The following SLC44A5 variants were observed in gnomAD, a reference collection of about 807,000 sequenced individuals.
SLC44A5 encodes solute carrier family 44 member 5.
A neutral mutation model predicts 101.8 loss-of-function variants in SLC44A5; 57 were observed. The ratio of observed to expected loss-of-function variants is 0.56; its 90% confidence interval spans 0.45 to 0.70. SLC44A5 has a LOEUF of 0.70. Ranked by LOEUF, SLC44A5 falls within the 30% of genes least tolerant of loss-of-function variation. The pLI is 0.00. For synonymous variants in SLC44A5, 281 were observed against 290.9 expected (o/e 0.97, Z 0.35); for missense variants, 737 against 853.1 (o/e 0.86, Z 1.70).
chr1:75,595,303 C>G (rs1165250480), intron 1 of SLC44A5, among the ~76,000 whole-genome samples: 1 of 152,084 alleles, frequency 6.6e-6, no homozygotes, highest in Non-Finnish European at 1.5e-5. Flanking sequence ...TATTCACACA[C>G]ACAACCCATT....
the SLC44A5 span, among the ~76,000 whole-genome samples, chr1:75,702,233 G>T: frequency 6.6e-6 from 1 of 152,268 alleles, no homozygotes; most frequent in South Asian, 2.1e-4. Context: ...AAAGCTGGAG[G>T]CATCATGCTA....
chr1:75,423,798 T>G (rs188889040), intron 2 of SLC44A5, among the ~76,000 whole-genome samples: 103 of 152,352 alleles, frequency 6.8e-4, no homozygotes, highest in African/African-American at 2.4e-3. Flanking sequence ...CAGATACACT[T>G]GCATACCCAT....
chr1:75,319,665 C>T (rs1004511222), intron 4 of SLC44A5, among the ~76,000 whole-genome samples: 8 of 152,000 alleles, frequency 5.3e-5, no homozygotes, highest in Admixed American at 2.6e-4. Context: ...ATCATTCTGG[C>T]GAGGAGAACA....
At chr1:75,405,404 T>A (rs145321824) in intron 2 of SLC44A5, among the ~76,000 whole-genome samples, 2,672 of 152,318 alleles carry the variant, frequency 0.018, 82 homozygotes, top group African/African-American at 0.061. Flanking sequence ...AGAATATACA[T>A]TCTTCACAGC....
At chr1:75,529,517 C>T (rs1670605620) in intron 2 of SLC44A5, among the ~76,000 whole-genome samples, 1 of 152,176 alleles carries the variant, frequency 6.6e-6, no homozygotes, top group Non-Finnish European at 1.5e-5. Flanking sequence ...TAAATGCCAT[C>T]TCCCACAATT....
chr1:75,396,887 T>C (rs1476664197), intron 2 of SLC44A5, among the ~76,000 whole-genome samples: 2 of 152,158 alleles, frequency 1.3e-5, no homozygotes, highest in Admixed American at 1.3e-4. Flanking sequence ...TGTTAATTCT[T>C]CCATTTGCAT....
At chr1:75,491,926 T>C (rs1557842984) in intron 2 of SLC44A5, among the ~76,000 whole-genome samples, 5 of 152,204 alleles carry the variant, frequency 3.3e-5, no homozygotes, top group Admixed American at 3.3e-4. Flanking sequence ...TTTCATTTCT[T>C]CCATTTTTTA....
chr1:75,459,094 T>C (rs1268138672), intron 2 of SLC44A5, among the ~76,000 whole-genome samples: 7 of 152,148 alleles, frequency 4.6e-5, no homozygotes, highest in South Asian at 2.1e-4. Context: ...ATCACTTTAA[T>C]AAAAGTTTCA....
upstream of SLC44A5, among the ~76,000 whole-genome samples, chr1:75,614,541 C>T (rs1441786559): frequency 6.6e-6 from 1 of 152,192 alleles, no homozygotes; most frequent in Non-Finnish European, 1.5e-5. Flanking sequence ...AAAGTTGTGT[C>T]CCCCTAGTGA....
At chr1:75,667,737 T>C in the SLC44A5 span, among the ~76,000 whole-genome samples, 1 of 152,324 alleles carries the variant, frequency 6.6e-6, no homozygotes, top group African/African-American at 2.4e-5. Context: ...GGAAATGGAA[T>C]GAAGTGCCGA....
the SLC44A5 span, among the ~76,000 whole-genome samples, chr1:75,675,783 G>A: frequency 1.3e-5 from 2 of 152,056 alleles, no homozygotes; most frequent in Non-Finnish European, 2.9e-5. Context: ...TAGAATGAGA[G>A]AAAATTTTTG....
the SLC44A5 span, among the ~76,000 whole-genome samples, chr1:75,702,065 G>C: frequency 6.6e-6 from 1 of 152,204 alleles, no homozygotes; most frequent in Non-Finnish European, 1.5e-5. Flanking sequence ...TCAATATTGT[G>C]AAAATGGCCA....
At chr1:75,206,762 G>A in intron 23 of SLC44A5, 1 of 1,098,336 alleles carries the variant, frequency 9.1e-7, no homozygotes, top group South Asian at 1.3e-5. Flanking sequence ...AGAAGCAGCA[G>A]AACAATTATA....
chr1:75,451,538 A>G (rs1466261103), intron 2 of SLC44A5, among the ~76,000 whole-genome samples: 3 of 152,094 alleles, frequency 2.0e-5, no homozygotes, highest in Non-Finnish European at 4.4e-5. Flanking sequence ...AAAAAATCCT[A>G]CCAGCATGAA....
chr1:75,324,768 T>C (rs1190461613), intron 4 of SLC44A5, among the ~76,000 whole-genome samples: 1 of 152,216 alleles, frequency 6.6e-6, no homozygotes, highest in Non-Finnish European at 1.5e-5. Context: ...TGTGTCAATA[T>C]TTCCAGGTGA....
At chr1:75,411,736 T>C (rs559319263) in intron 2 of SLC44A5, among the ~76,000 whole-genome samples, 3 of 152,098 alleles carry the variant, frequency 2.0e-5, no homozygotes, top group African/African-American at 7.2e-5. Context: ...AAAATATATA[T>C]AGGGACAGAT....
chr1:75,344,878 C>T (rs1658134062), intron 3 of SLC44A5, among the ~76,000 whole-genome samples: 1 of 152,108 alleles, frequency 6.6e-6, no homozygotes, highest in Non-Finnish European at 1.5e-5. Flanking sequence ...AGCTAATACA[C>T]ATGGCTATTT....
chr1:75,659,359 AG>A, the SLC44A5 span, among the ~76,000 whole-genome samples: 1 of 146,660 alleles, frequency 6.8e-6, no homozygotes, highest in African/African-American at 2.5e-5. Flanking sequence ...AAAGAAAGAA[AG>A]AAGGAAAGAA....
chr1:75,567,979 C>T (rs894457575), intron 1 of SLC44A5, among the ~76,000 whole-genome samples: 1 of 152,152 alleles, frequency 6.6e-6, no homozygotes, highest in Non-Finnish European at 1.5e-5. Context: ...ATAATGAGCA[C>T]AGACTTCTCG....
Sources: gnomAD v4.1 joint callset for allele counts (sites outside exome capture counted in the v4.1 genomes callset) on GRCh38, gnomAD v4.1.1 for gene constraint, MANE v1.5 for transcripts, NCBI Gene and HGNC (gene_info 2026-07-23, HGNC 2026-07-21) for gene names.